MARS1: variants seen among roughly 807,000 people sequenced by gnomAD.
MARS1 encodes methionyl-tRNA synthetase 1.
MARS1 carries 80 observed loss-of-function variants against 119.5 expected under a neutral mutation model. The observed-to-expected ratio is 0.67, with a 90% CI of 0.56 to 0.81. The LOEUF (loss-of-function observed/expected upper bound fraction) is 0.81, where lower values mean the gene tolerates loss of function less well. MARS1 is among the 30% of genes least tolerant of loss of function. The pLI is 0.00. For missense variants in MARS1, 945 were observed against 1,116.5 expected (o/e 0.85, Z 2.19); for synonymous variants, 418 against 433.4 (o/e 0.96, Z 0.44).
At chr12:57,489,685 T>C (rs1170114762) in intron 4 of MARS1, 127 bp downstream of exon 4, 7 of 1,323,058 alleles carry the variant, frequency 5.3e-6, no homozygotes. Flanking sequence ...GCAAATCACT[T>C]AATCTCTCTA....
intron 4 of MARS1, 55 bp from the exon 5 acceptor site, chr12:57,489,841 G>A (rs952757279): frequency 4.0e-6 from 6 of 1,488,630 alleles, no homozygotes; most frequent in South Asian, 2.3e-5. Flanking sequence ...ATTACCATTG[G>A]GAAGAAACTG....
Position 57,498,508 on chromosome 12 carries a change from G to C in MARS1, c.976G>C (p.Gly326Arg). 6.2e-7 allele frequency: 1 copy of C among 1,614,194 alleles called. No individual in the cohort carries two copies. Among genetic ancestry groups the C allele is most frequent in the Non-Finnish European group, 8.5e-7 (1 of 1,180,034 alleles). The part of the protein sequence containing the change: ...TATETKALEE[G>R]LTPQEICDKY... ...AACAGAGACCAAGGCTCTGGAGGAG[G>C]GACTAACCCCCCAGGAGATCTGCGA... The change falls in exon 9 of 21, where the codon GGA becomes CGA. Residue 326 changes from glycine to arginine, a missense_variant. Transcript: ENST00000262027.
intron 7 of MARS1, among the ~76,000 whole-genome samples, chr12:57,493,778 T>C (rs1413049096): frequency 0.013 from 11 of 844 alleles, no homozygotes; most frequent in South Asian, 0.12. Flanking sequence ...ATATATAATA[T>C]ATATTATATA....
At chr12:57,494,988 GTCA>G (rs1204826912) in intron 7 of MARS1, among the ~76,000 whole-genome samples, 53 of 152,162 alleles carry the variant, frequency 3.5e-4, no homozygotes, top group Non-Finnish European at 2.9e-5. Context: ...ATCCACCATT[GTCA>G]TCATGGCCCG....
At chr12:57,500,183 A>C (rs1290955235) in intron 9 of MARS1, 138 bp from the exon 10 acceptor site, 5 of 726,864 alleles carry the variant, frequency 6.9e-6, no homozygotes, top group Non-Finnish European at 1.2e-5. Context: ...CAAAAGATGA[A>C]TAGATGCCCT....
At chr12:57,497,718 T>A (rs1773980750) in intron 7 of MARS1, among the ~76,000 whole-genome samples, 1 of 152,080 alleles carries the variant, frequency 6.6e-6, no homozygotes. Context: ...GTGAGCTCTT[T>A]GGATTTCAGA....
chr12:57,498,080 G>A (rs910161575), intron 7 of MARS1, 77 bp from the exon 8 acceptor site: 1 of 870,144 alleles, frequency 1.1e-6, no homozygotes, highest in Non-Finnish European at 1.9e-6. Context: ...ATCTGTGTCC[G>A]GGTGTTCTGT....
At chr12:57,492,707 AC>A (rs1876048063) in intron 7 of MARS1, among the ~76,000 whole-genome samples, 1 of 140,162 alleles carries the variant, frequency 7.1e-6, no homozygotes, top group African/African-American at 2.7e-5. Context: ...ACACACACAC[AC>A]ACACACAGAC....
At position 57,500,533 on chromosome 12, in the gene MARS1, G is replaced by C. The variant is rs1395913076; in HGVS notation, c.1293+11G>C. The C allele has an allele frequency of 6.2e-7, 1 of 1,613,166 alleles. No homozygotes were observed. The highest frequency in any genetic ancestry group is 2.2e-5 in the East Asian group (1 of 44,862). ...GCTGTCGAGCTTAAGGTAAGAGGAG[G>C]GTCTCCATGGGAGCCCGGAAGGAGA... On this transcript the variant is annotated intron_variant, in intron 10 of 20. Transcript: ENST00000262027.
rs764252374 is a variant in MARS1 at position 57,511,844 on chromosome 12, A to G, written c.1515A>G (p.Val505=). ...GAGACCTCAAATGGGGAACCCCTGT[A>G]CCCTTAGAAGGTTTTGAAGACAAGG... The part of the protein sequence containing the change: ...ITRDLKWGTP[V]PLEGFEDKVF... The change falls in exon 12 of 21, where the codon GTA becomes GTG. Residue 505 remains valine, a synonymous_variant. Transcript: ENST00000262027. 1 of 1,614,070 alleles carries G rather than the reference A, an allele frequency of 6.2e-7. No homozygotes were observed. The highest frequency in any genetic ancestry group is 1.1e-5 in the South Asian group (1 of 91,068).
At chr12:57,493,847 A>T (rs1224607101) in intron 7 of MARS1, among the ~76,000 whole-genome samples, 1 of 4,960 alleles carries the variant, frequency 2.0e-4, no homozygotes, top group Non-Finnish European at 2.6e-3. Context: ...TATAATATAT[A>T]ATATATATAT....
chr12:57,513,763 C>T lies in MARS1; in HGVS notation c.1967+799C>T, dbSNP rs144693297. Among the ~76,000 whole-genome samples, 530 of 152,184 alleles carry T rather than the reference C, an allele frequency of 3.5e-3. 2 individuals carry two copies. The highest frequency in any genetic ancestry group is 0.012 in the African/African-American group (497 of 41,520). On this transcript the variant is annotated intron_variant, in intron 15 of 20. Coordinates refer to ENST00000262027, the MANE Select transcript of MARS1 (RefSeq NM_004990.4). ...CAGAATTTAGGATTCTTTAGTCACA[C>T]TCTCTGAGCCCTGGACCCTTATAGG...
At chr12:57,514,090 G>A (rs1398298870) in intron 15 of MARS1, among the ~76,000 whole-genome samples, 1 of 144,556 alleles carries the variant, frequency 6.9e-6, no homozygotes, top group Non-Finnish European at 1.5e-5. Context: ...AAAAAAAAAA[G>A]TACTTGCCTA....
chr12:57,504,153 T>C, intron 10 of MARS1, 72 bp from the exon 11 acceptor site: 2 of 1,009,758 alleles, frequency 2.0e-6, no homozygotes. Flanking sequence ...AATCCTTCTC[T>C]GCTCCTCCCC....
Position 57,489,637 on chromosome 12 carries a change from C to T in MARS1, c.414+79C>T, listed in dbSNP as rs117385528. The T allele has an allele frequency of 5.1e-4, 797 of 1,568,594 alleles. 5 individuals are homozygous for T. The East Asian group carries it at 0.014, about 28-fold the overall frequency. On this transcript the variant is annotated intron_variant, in intron 4 of 20. Coordinates refer to ENST00000262027, the MANE Select transcript of MARS1 (RefSeq NM_004990.4). ...GAGGGAAGACTGTATTCAGAGTGTT[C>T]GAACCCAACACTGCCACTTACTAGT...
chr12:57,510,038 G>C (rs1319743692), intron 11 of MARS1, among the ~76,000 whole-genome samples: 2 of 152,098 alleles, frequency 1.3e-5, no homozygotes. Context: ...TAGAGACAGG[G>C]TCTCACTCTG....
At chr12:57,499,308 G>C (rs1211793624) in intron 9 of MARS1, among the ~76,000 whole-genome samples, 1 of 105,438 alleles carries the variant, frequency 9.5e-6, no homozygotes. Flanking sequence ...AAAAAAAAAA[G>C]GCTGGGGCTG....
At chr12:57,494,985 A>G (rs1320867110) in intron 7 of MARS1, among the ~76,000 whole-genome samples, 2 of 151,958 alleles carry the variant, frequency 1.3e-5, no homozygotes, top group East Asian at 3.9e-4. Flanking sequence ...CAAATCCACC[A>G]TTGTCATCAT....
At chr12:57,496,429 C>T (rs1235265603) in intron 7 of MARS1, among the ~76,000 whole-genome samples, 2 of 152,052 alleles carry the variant, frequency 1.3e-5, no homozygotes, top group African/African-American at 4.8e-5. Flanking sequence ...TCCCAAAGTG[C>T]TGGGATTACA....
Sources: allele counts gnomAD v4.1 joint callset (sites outside exome capture counted in the v4.1 genomes callset), GRCh38; gene constraint gnomAD v4.1.1; transcripts MANE v1.5; gene names NCBI Gene and HGNC (gene_info 2026-07-23, HGNC 2026-07-21).